DLG5: variants seen among roughly 807,000 people sequenced by gnomAD.
The protein encoded by DLG5 is disks large homolog 5.
DLG5 carries 48 observed loss-of-function variants against 189.8 expected under a neutral mutation model. The ratio of observed to expected loss-of-function variants is 0.25; its 90% CI spans 0.20 to 0.32. DLG5 has a LOEUF of 0.32. DLG5 is among the 10% of genes least tolerant of loss of function. The pLI is 1.00. For missense variants in DLG5, 2,160 were observed against 2,544.7 expected (o/e 0.85, Z 3.25); for synonymous variants, 1,016 against 1,054.1 (o/e 0.96, Z 0.70).
Position 77,806,772 on chromosome 10 carries a change from A to C in DLG5, c.4953T>G (p.Ile1651Met), listed in dbSNP as rs1246938248. The change falls in exon 26 of 32, where the codon ATT becomes ATG. Residue 1651 changes from isoleucine to methionine, a missense_variant. By Grantham distance (10) the Ile-to-Met change is conservative. Coordinates refer to ENST00000372391, the MANE Select transcript of DLG5 (RefSeq NM_004747.4). Reference protein sequence around the residue: ...ENAQKIQRGQIPSKYVMDQEF... With the variant: ...ENAQKIQRGQMPSKYVMDQEF... ...AGAACACTTACACATATTTGCTGGG[A>C]ATCTGCCCGCGCTGGATCTTCTGGG... 1 of 1,374,494 alleles carries C rather than the reference A, an allele frequency of 7.3e-7. No homozygotes were observed. The highest frequency in any genetic ancestry group is 4.3e-5 in the East Asian group (1 of 23,106). The allele number at this position is 1,374,494 out of a possible 1,614,324, so 85.1% of individuals were successfully genotyped here.
chr10:77,878,855 C>G (rs1196499396), intron 1 of DLG5, among the ~76,000 whole-genome samples: 1 of 152,214 alleles, frequency 6.6e-6, no homozygotes, highest in South Asian at 2.1e-4. Flanking sequence ...CCAGTCCTGG[C>G]TCCCACCACC....
At chr10:77,904,985 C>T (rs904621123) in intron 1 of DLG5, among the ~76,000 whole-genome samples, 1 of 151,806 alleles carries the variant, frequency 6.6e-6, no homozygotes, top group African/African-American at 2.4e-5. Flanking sequence ...AAAAATTAGC[C>T]GGGTGTGGTG....
At chr10:77,826,674 G>A (rs1392747001) in intron 13 of DLG5, among the ~76,000 whole-genome samples, 2 of 151,956 alleles carry the variant, frequency 1.3e-5, no homozygotes, top group East Asian at 1.9e-4. Context: ...CTGGCTGGGC[G>A]TGGTGGCTCA....
In DLG5 at chr10:77,827,185, T is replaced by C. The variant is rs538718286; in HGVS notation, c.2289+1697A>G. 5.9e-5 allele frequency among the ~76,000 whole-genome samples: 9 copies of C among 152,256 alleles called. No individual in the cohort carries two copies. In the East Asian group the frequency reaches 1.5e-3, roughly 26 times the overall value. ...ATTTGCCTTTTGTACTACTGGAATT[T>C]TGTATGTATGCCATGAAAAAGTGTA... is the stretch of plus-strand genomic sequence containing the variant. On this transcript the variant is annotated intron_variant, in intron 13 of 31. Transcript: ENST00000372391.
Position 77,926,219 on chromosome 10 carries a change from G to T in DLG5, c.302C>A (p.Ala101Glu), listed in dbSNP as rs1846686891. The T allele has an allele frequency of 1.3e-6, 2 of 1,503,306 alleles. No individual in the cohort carries two copies. The highest frequency in any genetic ancestry group is 2.0e-5 in the Admixed American group (1 of 50,260). The allele number at this position is 1,503,306 out of a possible 1,614,324, so 93.1% of individuals were successfully genotyped here. The stretch of plus-strand genomic sequence containing the variant: ...GGGGCCAAGGGTCTGCCACTCACCC[G>T]CGCCTTCGGCGGGCTGCGGCGGCCC... ...VVGPPQPAEG[A>E]GSTYSVLSTM... Residue 101 changes from alanine to glutamate, a missense_variant and splice_region_variant, in exon 1 of 32, where the codon GCG becomes GAG. By Grantham distance (107) the Ala-to-Glu change is moderately radical. Coordinates refer to ENST00000372391, the MANE Select transcript of DLG5 (RefSeq NM_004747.4). This position sits in a 1 kb window ranked among gnomAD's most constrained non-coding sequence, Gnocchi z 5.2.
chr10:77,857,872 G>A (rs970475829), intron 2 of DLG5, among the ~76,000 whole-genome samples: 1 of 152,142 alleles, frequency 6.6e-6, no homozygotes. Context: ...TCGTGTCAGG[G>A]GACACAGTGT....
At chr10:77,896,632 G>A (rs1845767904) in intron 1 of DLG5, among the ~76,000 whole-genome samples, 1 of 152,138 alleles carries the variant, frequency 6.6e-6, no homozygotes, top group African/African-American at 2.4e-5. Flanking sequence ...ACTGAGGTCA[G>A]GAGTTCGAGA....
chr10:77,804,206 A>G (rs1365153721), intron 27 of DLG5, among the ~76,000 whole-genome samples: 2 of 152,160 alleles, frequency 1.3e-5, no homozygotes, highest in African/African-American at 4.8e-5. Flanking sequence ...CTTTTTCTAT[A>G]AGGGGCAAGA....
chr10:77,899,299 T>C (rs1169362635), intron 1 of DLG5, among the ~76,000 whole-genome samples: 1 of 152,112 alleles, frequency 6.6e-6, no homozygotes, highest in African/African-American at 2.4e-5. Context: ...TTGTGGGCAA[T>C]GGAAATCTGC....
At chr10:77,818,673 T>C (rs182626885) in intron 17 of DLG5, among the ~76,000 whole-genome samples, 5 of 152,126 alleles carry the variant, frequency 3.3e-5, no homozygotes, top group Non-Finnish European at 7.4e-5. Flanking sequence ...CACAGGGCCC[T>C]TCCTGACCAC....
chr10:77,815,107 G>A (rs891030886), intron 20 of DLG5, among the ~76,000 whole-genome samples: 1 of 152,102 alleles, frequency 6.6e-6, no homozygotes, highest in African/African-American at 2.4e-5. Flanking sequence ...TTGGCAGTGG[G>A]TGGCAAGGCC....
intron 7 of DLG5, among the ~76,000 whole-genome samples, chr10:77,837,281 T>C (rs1224622313): frequency 1.3e-5 from 2 of 151,678 alleles, no homozygotes; most frequent in East Asian, 3.9e-4. Context: ...AAACAATACT[T>C]TGAAAAATTT....
At chr10:77,856,664 A>G (rs368925341) in intron 3 of DLG5, 66 bp downstream of exon 3, 6 of 1,572,570 alleles carry the variant, frequency 3.8e-6, no homozygotes, top group South Asian at 3.5e-5. Flanking sequence ...TGGGGGTGAC[A>G]GCACCAGCAT....
At chr10:77,850,685 G>C (rs990438209) in intron 5 of DLG5, among the ~76,000 whole-genome samples, 7 of 152,194 alleles carry the variant, frequency 4.6e-5, no homozygotes, top group African/African-American at 1.7e-4. Context: ...GGATGAGGCA[G>C]ATTTAAACCC....
At chr10:77,878,963 G>A (rs544098769) in intron 1 of DLG5, among the ~76,000 whole-genome samples, 1 of 152,308 alleles carries the variant, frequency 6.6e-6, no homozygotes, top group African/African-American at 2.4e-5. Context: ...GCCAAACGCT[G>A]GGTTAATGCT....
intron 13 of DLG5, 50 bp downstream of exon 13, chr10:77,828,832 T>C: frequency 6.3e-7 from 1 of 1,592,190 alleles, no homozygotes; most frequent in African/African-American, 1.3e-5. Context: ...CTCCCAAATG[T>C]AATCTGCCTA....
chr10:77,903,425 C>T (rs1246277296), intron 1 of DLG5, among the ~76,000 whole-genome samples: 1 of 148,866 alleles, frequency 6.7e-6, no homozygotes, highest in Non-Finnish European at 1.5e-5. Context: ...GAGACTCTGT[C>T]TCAAAAAAAA....
chr10:77,810,488 C>T (rs1841708749), intron 23 of DLG5, among the ~76,000 whole-genome samples: 2 of 152,222 alleles, frequency 1.3e-5, no homozygotes, highest in South Asian at 4.1e-4. Context: ...GGATGGCCCT[C>T]CCTGCAGCCC....
At chr10:77,819,564 T>C in intron 16 of DLG5, 99 bp from the exon 17 acceptor site, 1 of 1,451,674 alleles carries the variant, frequency 6.9e-7, no homozygotes, top group Non-Finnish European at 9.1e-7. Flanking sequence ...AGCCGCAGTC[T>C]TTTGGGAAAA....
Sources: gnomAD v4.1 joint callset for allele counts (sites outside exome capture counted in the v4.1 genomes callset) on GRCh38, gnomAD v4.1.1 for gene constraint, Gnocchi (gnomAD v3.1) non-coding constraint, MANE v1.5 for transcripts, NCBI Gene and HGNC (gene_info 2026-07-23, HGNC 2026-07-21) for gene names.